LEMD1: variants seen among roughly 807,000 people sequenced by gnomAD.
LEMD1 encodes LEM domain-containing protein 1.
In LEMD1, 18 loss-of-function variants were observed where a neutral mutation model predicts 17.4. The ratio of observed to expected loss-of-function variants is 1.04; its 90% CI spans 0.72 to 1.54. The LOEUF (loss-of-function observed/expected upper bound fraction) is 1.54, where lower values mean the gene tolerates loss of function less well. LEMD1 is among the 40% of genes most tolerant of loss of function. The pLI, the probability that LEMD1 is intolerant of heterozygous loss-of-function variation, is 0.00. For synonymous variants in LEMD1, 88 were observed against 77.8 expected, an observed-to-expected ratio of 1.13 and a Z score of -0.69; for missense variants, 195 against 210.4, an observed-to-expected ratio of 0.93 and a Z score of 0.45.
intron 1 of LEMD1, among the ~76,000 whole-genome samples, chr1:205,449,228 G>A (rs1666454271): frequency 6.6e-6 from 1 of 152,162 alleles, no homozygotes; most frequent in Non-Finnish European, 1.5e-5. Context: ...GGCGAACCAA[G>A]GTCTCAGGGC....
At chr1:205,394,144 A>G (rs1409573326) in intron 4 of LEMD1, among the ~76,000 whole-genome samples, 6 of 145,482 alleles carry the variant, frequency 4.1e-5, no homozygotes, top group Non-Finnish European at 7.5e-5. Flanking sequence ...ATTTATGTGA[A>G]ATCTCCAGAA....
chr1:205,442,685 T>C (rs1666314292), intron 1 of LEMD1, among the ~76,000 whole-genome samples: 1 of 152,172 alleles, frequency 6.6e-6, no homozygotes, highest in Non-Finnish European at 1.5e-5. Flanking sequence ...GGTTATTTAA[T>C]AACCCGATTT....
chr1:205,441,400 G>A lies in LEMD1; in HGVS notation c.-39+8468C>T, dbSNP rs779301248. Among the ~76,000 whole-genome samples, 1 of 152,152 alleles carries A rather than the reference G, an allele frequency of 6.6e-6. No homozygotes were observed. The highest frequency in any genetic ancestry group is 1.5e-5 in the Non-Finnish European group (1 of 68,030). Reference sequence around the variant, plus strand: ...CCTCATCACCATATACCTGTGGTTGGGGAACAGGAAGCAAGCTGGCTTAAA... The same window carrying A: ...CCTCATCACCATATACCTGTGGTTGAGGAACAGGAAGCAAGCTGGCTTAAA... On this transcript the variant is annotated intron_variant, in intron 1 of 3. Coordinates refer to the LEMD1 transcript ENST00000367154. The surrounding 1 kb of genome is among the most constrained non-coding windows in gnomAD (Gnocchi z 4.3).
intron 5 of LEMD1, among the ~76,000 whole-genome samples, chr1:205,383,896 A>G (rs1404552095): frequency 2.6e-5 from 4 of 151,152 alleles, no homozygotes; most frequent in African/African-American, 9.7e-5. Context: ...TCAGCCTCCC[A>G]AAGTGCTGGG....
chr1:205,414,420 C>CAAA (rs11453227), intron 4 of LEMD1, among the ~76,000 whole-genome samples: 3 of 140,424 alleles, frequency 2.1e-5, no homozygotes, highest in Admixed American at 7.0e-5. Context: ...CCTGTCTCTA[C>CAAA]AAAAAAAAAA....
intron 1 of LEMD1, among the ~76,000 whole-genome samples, chr1:205,430,065 G>C (rs989996621): frequency 6.6e-6 from 1 of 152,352 alleles, no homozygotes; most frequent in Middle Eastern, 3.4e-3. Context: ...GCCAGGCAGC[G>C]TCTGTCTCAA....
intron 4 of LEMD1, among the ~76,000 whole-genome samples, chr1:205,395,334 C>T (rs1277106248): frequency 1.3e-5 from 2 of 152,182 alleles, no homozygotes; most frequent in East Asian, 3.9e-4. Flanking sequence ...GTGGCTCATG[C>T]CTGTAATCCC....
rs555582966 is a variant in LEMD1 at position 205,448,083 on chromosome 1, G to A, written c.-39+1785C>T. On this transcript the variant is annotated intron_variant, in intron 1 of 3. Transcript: ENST00000367154. This position sits in a 1 kb window ranked among gnomAD's most constrained non-coding sequence, Gnocchi z 4.7. The stretch of plus-strand genomic sequence containing the variant: ...CCCTGAAGGTCTCCTTCCTTCCTCA[G>A]AGGGAATCTCCCTCTGGAATCACCG... Among the ~76,000 whole-genome samples the A allele has an allele frequency of 6.6e-6, 1 of 152,298 alleles. No homozygotes were observed. Among genetic ancestry groups the A allele is most frequent in the South Asian group, 2.1e-4 (1 of 4,830 alleles).
intron 4 of LEMD1, among the ~76,000 whole-genome samples, chr1:205,384,897 T>C (rs2149733): frequency 0.39 from 58,538 of 151,224 alleles, 12,326 homozygotes; most frequent in Non-Finnish European, 0.46. Flanking sequence ...CTAAGCCCCA[T>C]TTACCCATTA....
At chr1:205,409,805 G>A (rs200319097) in intron 4 of LEMD1, among the ~76,000 whole-genome samples, 12 of 149,912 alleles carry the variant, frequency 8.0e-5, no homozygotes, top group Admixed American at 2.0e-4. Context: ...AGAGTTTTGC[G>A]CTTGTTGCCC....
intron 4 of LEMD1, among the ~76,000 whole-genome samples, chr1:205,389,625 A>G (rs1383586592): frequency 6.6e-6 from 1 of 152,178 alleles, no homozygotes; most frequent in Non-Finnish European, 1.5e-5. Context: ...AAGCTTAGGG[A>G]TGGCATTCTC....
upstream of LEMD1, among the ~76,000 whole-genome samples, chr1:205,424,662 G>A (rs773672067): frequency 2.0e-5 from 3 of 152,176 alleles, no homozygotes. Flanking sequence ...CTGAGACTTC[G>A]AGGATGAGCA....
chr1:205,411,383 T>C (rs569762267), intron 4 of LEMD1, among the ~76,000 whole-genome samples: 2 of 151,778 alleles, frequency 1.3e-5, no homozygotes, highest in Non-Finnish European at 2.9e-5. Context: ...ATGAAACCCC[T>C]TCTCTACTAA....
At chr1:205,393,378 TA>T (rs56198454) in intron 4 of LEMD1, among the ~76,000 whole-genome samples, 57,015 of 95,182 alleles carry the variant, frequency 0.6, 11,733 homozygotes, top group East Asian at 0.74. Flanking sequence ...GAATGGCTAT[TA>T]AAAAAAAAAA....
rs116479595 is a variant in LEMD1 at position 205,448,432 on chromosome 1, C to T, written c.-39+1436G>A. On this transcript the variant is annotated intron_variant, in intron 1 of 3. Coordinates refer to the LEMD1 transcript ENST00000367154. The surrounding 1 kb of genome is among the most constrained non-coding windows in gnomAD (Gnocchi z 4.7). ...CAGCGGCAGGAATCTCATAGGGAAGCGAGAAGCTGGGGCACCCGAGAAGCC... is the reference window on the plus strand; with the variant it reads ...CAGCGGCAGGAATCTCATAGGGAAGTGAGAAGCTGGGGCACCCGAGAAGCC... 1,390 of 532,234 alleles carry T rather than the reference C, an allele frequency of 2.6e-3. 14 individuals are homozygous for T. Among genetic ancestry groups the T allele is most frequent in the African/African-American group, 0.022 (1,141 of 51,932 alleles). The allele number at this position is 532,234 out of a possible 1,614,324, so 33.0% of individuals were successfully genotyped here.
intron 4 of LEMD1, among the ~76,000 whole-genome samples, chr1:205,411,473 G>A (rs1161718307): frequency 1.3e-5 from 2 of 150,940 alleles, no homozygotes; most frequent in East Asian, 2.0e-4. Context: ...GGAGAATGGC[G>A]TGAACCCGGG....
chr1:205,444,511 CAG>C (rs1666350807), intron 1 of LEMD1, among the ~76,000 whole-genome samples: 1 of 152,086 alleles, frequency 6.6e-6, no homozygotes, highest in Non-Finnish European at 1.5e-5. Flanking sequence ...CTCTCTGTGC[CAG>C]ATACTCTCCT....
At chr1:205,439,509 C>A (rs957388664) in intron 1 of LEMD1, among the ~76,000 whole-genome samples, 2 of 152,204 alleles carry the variant, frequency 1.3e-5, no homozygotes, top group African/African-American at 4.8e-5. Context: ...CCTTGCTTCT[C>A]CCAGGTTTTG....
chr1:205,432,024 G>C (rs1666132208), intron 1 of LEMD1, among the ~76,000 whole-genome samples: 1 of 152,042 alleles, frequency 6.6e-6, no homozygotes, highest in African/African-American at 2.4e-5. Flanking sequence ...CAACACAGAA[G>C]CTTTAGGATT....
Sources: allele counts gnomAD v4.1 joint callset (sites outside exome capture counted in the v4.1 genomes callset), GRCh38; gene constraint gnomAD v4.1.1; non-coding constraint Gnocchi (gnomAD v3.1); transcripts MANE v1.5; gene names NCBI Gene and HGNC (gene_info 2026-07-23, HGNC 2026-07-21).